The following CNGB3 variants were observed in gnomAD, a reference collection of about 807,000 sequenced individuals.
CNGB3 encodes cyclic nucleotide gated channel subunit beta 3, also known as cyclic nucleotide-gated channel beta-3.
Under a neutral mutation model 92.8 loss-of-function variants are expected in CNGB3, and 86 were observed. The observed-to-expected ratio is 0.93, with a 90% CI of 0.78 to 1.11. The LOEUF (loss-of-function observed/expected upper bound fraction) is 1.11. CNGB3 is among the 50% of genes least tolerant of loss of function. The probability of loss-of-function intolerance (pLI) is 0.00; values close to 1 mark genes in which losing one functional copy is unlikely to be tolerated. For missense variants in CNGB3, 1,026 were observed against 956.8 expected (o/e 1.07, Z -0.95); for synonymous variants, 333 against 332.7 (o/e 1.00, Z -0.01).
At chr8:86,680,899 T>C (rs1414605237) in intron 3 of CNGB3, among the ~76,000 whole-genome samples, 1 of 152,116 alleles carries the variant, frequency 6.6e-6, no homozygotes, top group Admixed American at 6.6e-5. Context: ...CTAAAACAAC[T>C]AAAAGTTGGT....
chr8:86,633,755 A>T (rs528189124), intron 10 of CNGB3, among the ~76,000 whole-genome samples: 1 of 152,248 alleles, frequency 6.6e-6, no homozygotes, highest in African/African-American at 2.4e-5. Flanking sequence ...TAGAGATCAA[A>T]TGTATTTATG....
At chr8:86,738,609 G>C (rs1380854593) in intron 2 of CNGB3, among the ~76,000 whole-genome samples, 1 of 152,152 alleles carries the variant, frequency 6.6e-6, no homozygotes, top group Non-Finnish European at 1.5e-5. Context: ...GGAGGCCAAG[G>C]CGGGAGGATC....
At position 86,743,524 on chromosome 8, in the gene CNGB3, T is replaced by G; in HGVS notation, c.104A>C (p.Asn35Thr). The change falls in exon 1 of 18, where the codon AAT becomes ACT. Residue 35 changes from asparagine to threonine, a missense_variant. By Grantham distance (65) the Asn-to-Thr change is moderately conservative. Transcript: ENST00000320005. ...CTGTGCTGTGGTTTGCTGAGACTGA[T>G]TACTTGGGTGAGAGCCTTCTTCATT... ...RRNEEGSHPS[N>T]QSQQTTAQEE... 1 of 1,613,992 alleles carries G rather than the reference T, an allele frequency of 6.2e-7. No individual in the cohort carries two copies. The highest frequency in any genetic ancestry group is 8.5e-7 in the Non-Finnish European group (1 of 1,179,890).
chr8:86,714,316 ATGG>A (rs1824806037), intron 3 of CNGB3, among the ~76,000 whole-genome samples: 7 of 152,078 alleles, frequency 4.6e-5, no homozygotes, highest in Admixed American at 3.3e-4. Context: ...TTCTTTTGAG[ATGG>A]AGTCTCACTC....
intron 1 of CNGB3, among the ~76,000 whole-genome samples, chr8:86,742,904 C>T (rs1226026401): frequency 1.3e-5 from 2 of 152,134 alleles, no homozygotes; most frequent in African/African-American, 4.8e-5. Flanking sequence ...AGTTCCTCCA[C>T]CTTGGCAGTA....
At chr8:86,671,207 C>CT in intron 3 of CNGB3, 109 bp from the exon 4 acceptor site, 2 of 1,260,378 alleles carry the variant, frequency 1.6e-6, no homozygotes, top group Non-Finnish European at 1.1e-6. Context: ...TTAACTTCCC[C>CT]TTTTTTGCAA....
intron 6 of CNGB3, chr8:86,660,495 G>C (rs1823617259): frequency 1.9e-6 from 1 of 527,810 alleles, no homozygotes; most frequent in African/African-American, 1.9e-5. Context: ...AGGAAGCATG[G>C]CCAGGTGGCA....
chr8:86,611,723 C>T, intron 13 of CNGB3, 52 bp from the exon 14 acceptor site: 1 of 1,206,814 alleles, frequency 8.3e-7, no homozygotes, highest in East Asian at 2.4e-5. Flanking sequence ...GCCAATATTC[C>T]AAATGAATTC....
At chr8:86,648,790 G>A (rs1264147339) in intron 7 of CNGB3, among the ~76,000 whole-genome samples, 1 of 151,182 alleles carries the variant, frequency 6.6e-6, no homozygotes, top group Admixed American at 6.6e-5. Flanking sequence ...GAGAGCTGAG[G>A]AAGTCCTAGA....
rs143549411 is a variant in CNGB3, at chr8:86,607,346, T to C, written c.1663-3135A>G. On this transcript the variant is annotated intron_variant, in intron 14 of 17. Coordinates refer to ENST00000320005, the MANE Select transcript of CNGB3 (RefSeq NM_019098.5). ...ATAAGATTGAACCAAGCTCTGGTTGTTAGCGTGTGGACTAATTTGGAGAAA... is the reference window on the plus strand; with the variant it reads ...ATAAGATTGAACCAAGCTCTGGTTGCTAGCGTGTGGACTAATTTGGAGAAA... Among the ~76,000 whole-genome samples the C allele has an allele frequency of 2.9e-3, 439 of 152,312 alleles. 2 individuals are homozygous for C. Among genetic ancestry groups the C allele is most frequent in the African/African-American group, 1.0e-2 (414 of 41,574 alleles).
chr8:86,659,381 T>C, intron 6 of CNGB3: 4 of 810,984 alleles, frequency 4.9e-6, no homozygotes, highest in Non-Finnish European at 8.7e-6. Flanking sequence ...TTGAGGACTA[T>C]TGAAGCAGGA....
intron 11 of CNGB3, among the ~76,000 whole-genome samples, chr8:86,632,087 T>A (rs550430009): frequency 6.6e-6 from 1 of 151,582 alleles, no homozygotes; most frequent in Admixed American, 6.6e-5. Context: ...TAGTTGCAGC[T>A]ACTTGGGGGG....
rs182380056 is a variant in CNGB3 at position 86,678,074 on chromosome 8, C to T, written c.339-6976G>A. ...TGTTGAATAACAGGCAGGAATTAGGCGAAGAGTATTGTATTCTAATTTGGG... is the reference window on the plus strand; with the variant it reads ...TGTTGAATAACAGGCAGGAATTAGGTGAAGAGTATTGTATTCTAATTTGGG... On this transcript the variant is annotated intron_variant, in intron 3 of 17. Transcript: ENST00000320005. Among the ~76,000 whole-genome samples, 617 of 152,038 alleles carry T rather than the reference C, an allele frequency of 4.1e-3. 1 individual carries two copies. Among genetic ancestry groups the T allele is most frequent in the Non-Finnish European group, 6.9e-3 (466 of 67,974 alleles).
chr8:86,670,808 G>A (rs1823843479), intron 4 of CNGB3, 136 bp downstream of exon 4: 2 of 963,860 alleles, frequency 2.1e-6, no homozygotes, highest in Admixed American at 3.5e-5. Flanking sequence ...TACCTTCCTG[G>A]ATTACTCTCA....
chr8:86,666,756 A>G (rs1200041547), intron 6 of CNGB3, among the ~76,000 whole-genome samples, 169 bp downstream of exon 6: 1 of 152,138 alleles, frequency 6.6e-6, no homozygotes, highest in South Asian at 2.1e-4. Context: ...CATTGTGAAC[A>G]CTCAATGGCT....
At chr8:86,727,701 C>T (rs886133279) in intron 2 of CNGB3, among the ~76,000 whole-genome samples, 4 of 151,930 alleles carry the variant, frequency 2.6e-5, no homozygotes, top group South Asian at 2.1e-4. Flanking sequence ...AAAATAAGAA[C>T]GAATACAATT....
chr8:86,632,064 T>C (rs1822972863), intron 11 of CNGB3, among the ~76,000 whole-genome samples: 1 of 151,864 alleles, frequency 6.6e-6, no homozygotes, highest in African/African-American at 2.4e-5. Context: ...CTTGGTGTGG[T>C]GGGGTGCAAC....
Position 86,575,720 on chromosome 8 carries a change from G to A in CNGB3, c.*84C>T, listed in dbSNP as rs372938106. ...CGTTTCTCAAGGGTCCCAGCATGTC[G>A]TTTCCCCTCGTTAATTTAAGTTACA... On this transcript the variant is annotated 3_prime_UTR_variant, in exon 18 of 18. Transcript: ENST00000320005. 155 of 1,281,926 alleles carry A rather than the reference G, an allele frequency of 1.2e-4. No individual in the cohort carries two copies. Among genetic ancestry groups the A allele is most frequent in the East Asian group, 1.0e-3 (43 of 41,426 alleles). 79.4% of individuals were successfully genotyped at this position (1,281,926 alleles called of 1,614,324 possible). A position where few individuals can be genotyped will look rare whatever the true frequency, so the allele number is the denominator to read the frequency against.
Position 86,643,475 on chromosome 8 carries a change from G to C in CNGB3, c.1178+276C>G, listed in dbSNP as rs551584241. Among the ~76,000 whole-genome samples the C allele has an allele frequency of 4.0e-5, 6 of 151,344 alleles. No individual in the cohort carries two copies. The East Asian group carries it at 1.2e-3, about 29-fold the overall frequency. Reference sequence around the variant, plus strand: ...AGTCTCTGTTATCTTTCCACTCTCTGTCTCTATGTGATCAAAATTTTTAGC... The same window carrying C: ...AGTCTCTGTTATCTTTCCACTCTCTCTCTCTATGTGATCAAAATTTTTAGC... On this transcript the variant is annotated intron_variant, in intron 10 of 17. Coordinates refer to ENST00000320005, the MANE Select transcript of CNGB3 (RefSeq NM_019098.5).
Sources: gnomAD v4.1 joint callset for allele counts (sites outside exome capture counted in the v4.1 genomes callset) on GRCh38, gnomAD v4.1.1 for gene constraint, MANE v1.5 for transcripts, NCBI Gene and HGNC (gene_info 2026-07-23, HGNC 2026-07-21) for gene names.